The following GSK3B variants were observed in gnomAD, a reference collection of about 807,000 sequenced individuals.
GSK3B encodes glycogen synthase kinase-3 beta.
A neutral mutation model predicts 56.4 loss-of-function variants in GSK3B; 15 were observed. That is an observed-to-expected ratio of 0.27 (90% CI 0.18 to 0.41). The LOEUF is 0.41. Among genes scored for constraint, GSK3B ranks in the 10% least tolerant of loss-of-function variants. The pLI, the probability that GSK3B is intolerant of heterozygous loss-of-function variation, is 1.00. For missense variants in GSK3B, 300 were observed against 513.4 expected, an observed-to-expected ratio of 0.58 and a Z score of 4.02; for synonymous variants, 181 against 188.9, an observed-to-expected ratio of 0.96 and a Z score of 0.34.
chr3:119,925,429 TCTCTAACCTCAGC>T (rs1319240546), intron 3 of GSK3B, among the ~76,000 whole-genome samples: 1 of 152,054 alleles, frequency 6.6e-6, no homozygotes, highest in Non-Finnish European at 1.5e-5. Flanking sequence ...TAACACTCCT[TCTCTAACCTCAGC>T]CTCAACAGAT....
intron 7 of GSK3B, among the ~76,000 whole-genome samples, chr3:119,900,009 T>C (rs902614678): frequency 1.3e-5 from 2 of 152,150 alleles, no homozygotes; most frequent in African/African-American, 2.4e-5. Context: ...CTGAAATTAC[T>C]AGCTCTTCCC....
At chr3:119,899,486 C>T (rs72967170) in intron 7 of GSK3B, among the ~76,000 whole-genome samples, 1,844 of 152,186 alleles carry the variant, frequency 0.012, 32 homozygotes, top group African/African-American at 0.042. Context: ...TAAGGTCTCA[C>T]TGAGTGGCAG....
intron 10 of GSK3B, among the ~76,000 whole-genome samples, chr3:119,828,820 T>C (rs1441270601): frequency 6.6e-6 from 1 of 152,248 alleles, no homozygotes; most frequent in East Asian, 1.9e-4. Context: ...TATCTCTTAA[T>C]GTGAATGATT....
rs117230189 is a variant in GSK3B, at chr3:119,957,313, A to C, written c.283-9962T>G. ...TTTATAGAAACAATAAAAAGGACTC[A>C]TGTATGCTACTTTTCCCAATCAGTT... is the stretch of plus-strand genomic sequence containing the variant. On this transcript the variant is annotated intron_variant, in intron 2 of 10. Transcript: ENST00000264235. 4.9e-4 allele frequency among the ~76,000 whole-genome samples: 75 copies of C among 152,344 alleles called. No individual in the cohort carries two copies. In the East Asian group the frequency reaches 0.014, roughly 29 times the overall value.
At chr3:120,019,549 T>C (rs2057855406) in intron 1 of GSK3B, among the ~76,000 whole-genome samples, 1 of 152,238 alleles carries the variant, frequency 6.6e-6, no homozygotes, top group African/African-American at 2.4e-5. Flanking sequence ...CATTGTTCTT[T>C]CCTATCTTTT....
At chr3:119,913,702 A>C (rs1214943368) in intron 5 of GSK3B, among the ~76,000 whole-genome samples, 1 of 151,998 alleles carries the variant, frequency 6.6e-6, no homozygotes, top group Non-Finnish European at 1.5e-5. Context: ...GGGTAAAGAC[A>C]GATGAAAGTA....
chr3:120,004,198 G>A (rs1467142997), intron 1 of GSK3B, among the ~76,000 whole-genome samples: 1 of 152,146 alleles, frequency 6.6e-6, no homozygotes, highest in Non-Finnish European at 1.5e-5. Flanking sequence ...GGGGGGAGGG[G>A]CGTTTGCCAT....
At chr3:119,829,377 C>T (rs1302380606) in intron 10 of GSK3B, among the ~76,000 whole-genome samples, 2 of 152,186 alleles carry the variant, frequency 1.3e-5, no homozygotes, top group Non-Finnish European at 1.5e-5. Context: ...ATTTCCTTCT[C>T]ATTTTCAGTA....
At chr3:120,091,715 T>C (rs377486814) in intron 1 of GSK3B, among the ~76,000 whole-genome samples, 1 of 152,124 alleles carries the variant, frequency 6.6e-6, no homozygotes, top group East Asian at 1.9e-4. Context: ...TTTTAAAATA[T>C]TTTTCAAATC....
intron 1 of GSK3B, among the ~76,000 whole-genome samples, chr3:120,088,199 T>C (rs916721330): frequency 4.6e-5 from 7 of 152,176 alleles, no homozygotes; most frequent in African/African-American, 7.2e-5. Flanking sequence ...CCGAACTAAA[T>C]TGTGTTTCTA....
intron 2 of GSK3B, among the ~76,000 whole-genome samples, chr3:119,967,896 C>T (rs932469280): frequency 6.6e-6 from 1 of 151,292 alleles, no homozygotes; most frequent in Admixed American, 6.6e-5. Flanking sequence ...CTCGCTCTCA[C>T]CCAGGCTGGA....
chr3:120,061,118 C>T (rs941410483), intron 1 of GSK3B, among the ~76,000 whole-genome samples: 3 of 152,156 alleles, frequency 2.0e-5, no homozygotes, highest in African/African-American at 7.2e-5. Flanking sequence ...TGTGTGCTGA[C>T]CAAGCGTTGC....
intron 2 of GSK3B, among the ~76,000 whole-genome samples, chr3:119,981,107 A>C (rs1286950954): frequency 1.3e-5 from 2 of 152,208 alleles, no homozygotes; most frequent in Admixed American, 1.3e-4. Context: ...CGTGGAGTTA[A>C]ATGCTAGAAC....
At chr3:119,954,295 AATAGAATAGAAAAGAAACAG>A (rs1329256188) in intron 2 of GSK3B, among the ~76,000 whole-genome samples, 1 of 121,386 alleles carries the variant, frequency 8.2e-6, no homozygotes, top group Admixed American at 8.1e-5. Context: ...AATAGAATAG[AATAGAATAGAAAAGAAACAG>A]AACAGAACAG....
intron 1 of GSK3B, among the ~76,000 whole-genome samples, chr3:120,068,637 T>C (rs1193997876): frequency 6.6e-6 from 1 of 151,462 alleles, no homozygotes; most frequent in East Asian, 1.9e-4. Flanking sequence ...GAGGCGGAGG[T>C]TGCAGTGAGC....
At chr3:120,064,975 CAA>C (rs1159131662) in intron 1 of GSK3B, among the ~76,000 whole-genome samples, 5 of 152,158 alleles carry the variant, frequency 3.3e-5, no homozygotes, top group Admixed American at 6.6e-5. Flanking sequence ...AAAATTAACT[CAA>C]AATGGATCAG....
chr3:120,066,294 T>TA (rs1032452736), intron 1 of GSK3B, among the ~76,000 whole-genome samples: 1 of 152,024 alleles, frequency 6.6e-6, no homozygotes, highest in African/African-American at 2.4e-5. Context: ...TCTAGATATC[T>TA]AAGACAGTTG....
chr3:119,995,316 C>T (rs545202935), intron 2 of GSK3B, among the ~76,000 whole-genome samples: 4 of 151,466 alleles, frequency 2.6e-5, no homozygotes, highest in South Asian at 4.2e-4. Flanking sequence ...CTGGGTTATA[C>T]GGCAAGATCT....
intron 1 of GSK3B, chr3:120,041,095 C>T (rs79273052): frequency 0.098 from 15,278 of 156,448 alleles, 807 homozygotes; most frequent in South Asian, 0.15. Flanking sequence ...CACGCTCCTG[C>T]CCCCTTGCTG....
Sources: allele counts gnomAD v4.1 joint callset (sites outside exome capture counted in the v4.1 genomes callset), GRCh38; gene constraint gnomAD v4.1.1; transcripts MANE v1.5; gene names NCBI Gene and HGNC (gene_info 2026-07-23, HGNC 2026-07-21).